STK24: variants seen among roughly 807,000 people sequenced by gnomAD.
The protein encoded by STK24 is serine/threonine-protein kinase 24.
STK24 carries 21 observed loss-of-function variants against 55.6 expected under a neutral mutation model. That is an observed-to-expected ratio of 0.38 (90% CI 0.27 to 0.54). The LOEUF (loss-of-function observed/expected upper bound fraction) is 0.54, where lower values mean the gene tolerates loss of function less well. Among genes scored for constraint, STK24 ranks in the 20% least tolerant of loss-of-function variants. STK24 has a pLI of 0.79. For missense variants in STK24, 383 were observed against 538.4 expected (o/e 0.71, Z 2.86); for synonymous variants, 200 against 215.2 (o/e 0.93, Z 0.62).
chr13:98,522,804 A>G (rs535818419), intron 1 of STK24, among the ~76,000 whole-genome samples: 24 of 152,300 alleles, frequency 1.6e-4, no homozygotes, highest in African/African-American at 5.3e-4. Flanking sequence ...GAGCAATAAG[A>G]AAACCCCAGA....
chr13:98,570,063 G>C lies in STK24; in HGVS notation c.42+6682C>G, dbSNP rs1594678360. On this transcript the variant is annotated intron_variant, in intron 1 of 10. Transcript: ENST00000539966. Reference sequence around the variant, plus strand: ...AGCTGTTTTTTTTGTATTTTTAGTAGAGACAGAGTTTCACCATGTTGGCCA... The same window carrying C: ...AGCTGTTTTTTTTGTATTTTTAGTACAGACAGAGTTTCACCATGTTGGCCA... Among the ~76,000 whole-genome samples, 4 of 151,864 alleles carry C rather than the reference G, an allele frequency of 2.6e-5. No individual in the cohort carries two copies. The South Asian group carries it at 8.3e-4, about 32-fold the overall frequency.
chr13:98,468,736 G>A (rs1894018968), intron 5 of STK24, among the ~76,000 whole-genome samples: 1 of 152,222 alleles, frequency 6.6e-6, no homozygotes, highest in Non-Finnish European at 1.5e-5. Context: ...GTACATAATA[G>A]TTATATGAAT....
intron 1 of STK24, chr13:98,576,273 C>T (rs1897889555): frequency 2.1e-6 from 2 of 960,616 alleles, no homozygotes; most frequent in Middle Eastern, 5.3e-4. Flanking sequence ...CCGTCCCCGC[C>T]CTGCCCAGGT....
rs1329126301 is a variant in STK24, at chr13:98,451,707, A to C, written c.*1466T>G. ...CCACAAGAACTGGCACACCCACGGGAGATGTCAATCATCAGCTTCAACAAA... is the reference window on the plus strand; with the variant it reads ...CCACAAGAACTGGCACACCCACGGGCGATGTCAATCATCAGCTTCAACAAA... On this transcript the variant is annotated 3_prime_UTR_variant, in exon 11 of 11. Transcript: ENST00000539966. The C allele has an allele frequency of 6.6e-6, 1 of 152,212 alleles. No individual in the cohort carries two copies. The highest frequency in any genetic ancestry group is 1.9e-4 in the East Asian group (1 of 5,202). The allele number at this position is 152,212 out of a possible 1,614,324, so 9.4% of individuals were successfully genotyped here. A position where few individuals can be genotyped will look rare whatever the true frequency, so the allele number is the denominator to read the frequency against.
chr13:98,575,333 A>G (rs1305733793), intron 1 of STK24, among the ~76,000 whole-genome samples: 2 of 152,136 alleles, frequency 1.3e-5, no homozygotes, highest in African/African-American at 4.8e-5. Flanking sequence ...ATAATAACTT[A>G]ACTGTTGCTG....
chr13:98,475,055 C>A, intron 4 of STK24, 77 bp from the exon 5 acceptor site: 12 of 1,514,456 alleles, frequency 7.9e-6, no homozygotes, highest in Non-Finnish European at 1.1e-5. Flanking sequence ...CGTCTTCTCC[C>A]TGGCTGGGTG....
chr13:98,520,887 G>T (rs1381908511), intron 1 of STK24, among the ~76,000 whole-genome samples: 2 of 152,346 alleles, frequency 1.3e-5, no homozygotes, highest in African/African-American at 4.8e-5. Flanking sequence ...GGGGCGCAGA[G>T]CCCCTGCCCC....
intron 2 of STK24, among the ~76,000 whole-genome samples, chr13:98,487,416 A>G (rs1894848985): frequency 6.6e-6 from 1 of 152,228 alleles, no homozygotes; most frequent in Non-Finnish European, 1.5e-5. Flanking sequence ...CATTTAATTA[A>G]TAAATTCTGG....
At chr13:98,543,039 C>G in intron 1 of STK24, 1 of 985,272 alleles carries the variant, frequency 1.0e-6, no homozygotes, top group South Asian at 4.7e-5. Context: ...CTGAAGCCTC[C>G]GGGGGCTTAC....
intron 1 of STK24, among the ~76,000 whole-genome samples, chr13:98,554,027 A>C (rs533321228): frequency 1.3e-5 from 2 of 149,678 alleles, no homozygotes; most frequent in East Asian, 3.9e-4. Flanking sequence ...ACGCCACTGC[A>C]CTCCAGCCTG....
At chr13:98,459,113 C>A (rs557351309) in intron 9 of STK24, among the ~76,000 whole-genome samples, 2 of 152,332 alleles carry the variant, frequency 1.3e-5, no homozygotes, top group East Asian at 1.9e-4. Context: ...CTTTCCCTAA[C>A]TGCCTGACTG....
In STK24 at chr13:98,457,179, C is replaced by T; in HGVS notation, c.1248G>A (p.Gln416=). The change falls in exon 10 of 11, where the codon CAG becomes CAA. Residue 416 remains glutamine, a synonymous_variant. Transcript: ENST00000539966. ...ISDTMVAQLV[Q]RLQRYSLSGG... Reference sequence around the variant, plus strand: ...CCCTGGGTAGTTACCTCTGGAGCCGCTGCACGAGCTGGGCCACCATGGTGT... The same window carrying T: ...CCCTGGGTAGTTACCTCTGGAGCCGTTGCACGAGCTGGGCCACCATGGTGT... The T allele has an allele frequency of 1.2e-6, 2 of 1,611,174 alleles. No homozygotes were observed. Among genetic ancestry groups the T allele is most frequent in the South Asian group, 2.2e-5 (2 of 90,694 alleles).
At chr13:98,505,265 A>G (rs998004660) in intron 2 of STK24, among the ~76,000 whole-genome samples, 1 of 152,250 alleles carries the variant, frequency 6.6e-6, no homozygotes, top group Non-Finnish European at 1.5e-5. Context: ...TTCATTCTCA[A>G]AAAAGAGCTG....
At chr13:98,488,826 A>G (rs1277349878) in intron 2 of STK24, among the ~76,000 whole-genome samples, 2 of 152,168 alleles carry the variant, frequency 1.3e-5, no homozygotes, top group African/African-American at 4.8e-5. Context: ...ACAAACGAGA[A>G]AGGGCAGATG....
At chr13:98,511,177 G>A (rs909774485) in intron 2 of STK24, among the ~76,000 whole-genome samples, 2 of 152,142 alleles carry the variant, frequency 1.3e-5, no homozygotes, top group African/African-American at 4.8e-5. Context: ...ATTCCCACAT[G>A]GTAGCATTTA....
At chr13:98,493,975 T>A (rs1177229463) in intron 2 of STK24, among the ~76,000 whole-genome samples, 1 of 151,030 alleles carries the variant, frequency 6.6e-6, no homozygotes, top group African/African-American at 2.4e-5. Flanking sequence ...CCTGAGTAGC[T>A]GGGAATACAG....
intron 6 of STK24, among the ~76,000 whole-genome samples, chr13:98,464,079 C>T (rs1893833733): frequency 6.6e-6 from 1 of 152,126 alleles, no homozygotes; most frequent in Admixed American, 6.5e-5. Context: ...AATACATTTT[C>T]ACAGAAAACT....
chr13:98,517,303 G>C (rs563471844), intron 2 of STK24, among the ~76,000 whole-genome samples: 37 of 152,338 alleles, frequency 2.4e-4, no homozygotes, highest in African/African-American at 8.7e-4. Flanking sequence ...TCCAAACTGA[G>C]TTTCTTTAGC....
At chr13:98,502,851 G>A (rs1257442467) in intron 2 of STK24, among the ~76,000 whole-genome samples, 1 of 152,020 alleles carries the variant, frequency 6.6e-6, no homozygotes, top group Non-Finnish European at 1.5e-5. Context: ...GCTACTAGAG[G>A]GAGAAGACAG....
Sources: allele counts gnomAD v4.1 joint callset (sites outside exome capture counted in the v4.1 genomes callset), GRCh38; gene constraint gnomAD v4.1.1; transcripts MANE v1.5; gene names NCBI Gene and HGNC (gene_info 2026-07-23, HGNC 2026-07-21).